Variants in SEMA3A observed in about 807,000 individuals in gnomAD.
SEMA3A encodes semaphorin-3A.
SEMA3A carries 29 observed loss-of-function variants against 97.9 expected under a neutral mutation model. That is an observed-to-expected ratio of 0.30 (90% CI 0.22 to 0.40). The LOEUF (loss-of-function observed/expected upper bound fraction) is 0.40. Ranked by LOEUF, SEMA3A falls within the 10% of genes least tolerant of loss-of-function variation. The probability of loss-of-function intolerance (pLI) is 1.00; values close to 1 mark genes in which losing one functional copy is unlikely to be tolerated. For synonymous variants in SEMA3A, 321 were observed against 323.7 expected, an observed-to-expected ratio of 0.99 and a Z score of 0.09; for missense variants, 763 against 951.3, an observed-to-expected ratio of 0.80 and a Z score of 2.60.
chr7:84,050,544 T>G (rs1053060323), intron 5 of SEMA3A, among the ~76,000 whole-genome samples: 2 of 152,128 alleles, frequency 1.3e-5, no homozygotes, highest in African/African-American at 4.8e-5. Context: ...TCACCCACTT[T>G]TTGATGGGGT....
intron 2 of SEMA3A, among the ~76,000 whole-genome samples, chr7:84,368,761 T>G (rs1802908847): frequency 6.6e-6 from 1 of 150,986 alleles, no homozygotes; most frequent in Non-Finnish European, 1.5e-5. Flanking sequence ...ATATAGCAAG[T>G]GTGTATGTAT....
intron 1 of SEMA3A, among the ~76,000 whole-genome samples, chr7:84,417,048 G>A (rs1201576888): frequency 6.7e-6 from 1 of 148,832 alleles, no homozygotes; most frequent in South Asian, 2.2e-4. Flanking sequence ...ACTGACCATA[G>A]TGTTTTTTAA....
intron 4 of SEMA3A, among the ~76,000 whole-genome samples, chr7:84,098,811 G>A (rs1009269080): frequency 6.6e-6 from 1 of 152,074 alleles, no homozygotes; most frequent in African/African-American, 2.4e-5. Context: ...GAGGACAGAT[G>A]ATATACTGGC....
chr7:83,980,617 A>ACCAAAAC, intron 14 of SEMA3A, among the ~76,000 whole-genome samples: 1 of 83,612 alleles, frequency 1.2e-5, no homozygotes, highest in African/African-American at 5.2e-5. Context: ...AAAAAAAAAA[A>ACCAAAAC]AAAAAAATAT....
chr7:84,265,180 T>A (rs978102550), intron 3 of SEMA3A, among the ~76,000 whole-genome samples: 1 of 152,144 alleles, frequency 6.6e-6, no homozygotes, highest in African/African-American at 2.4e-5. Context: ...TTATTACACG[T>A]AATCATATTC....
chr7:84,011,583 T>C (rs1272647626), intron 7 of SEMA3A, among the ~76,000 whole-genome samples: 1 of 152,126 alleles, frequency 6.6e-6, no homozygotes, highest in Non-Finnish European at 1.5e-5. Flanking sequence ...CATCTACAGA[T>C]CAATGGATAA....
chr7:84,253,944 T>C (rs1435142587), intron 3 of SEMA3A, among the ~76,000 whole-genome samples: 1 of 152,186 alleles, frequency 6.6e-6, no homozygotes, highest in Non-Finnish European at 1.5e-5. Context: ...GGCAGAAAGA[T>C]GCAAGAGCTT....
chr7:84,255,724 T>A (rs73709795), intron 3 of SEMA3A, among the ~76,000 whole-genome samples: 2,659 of 152,072 alleles, frequency 0.017, 80 homozygotes, highest in African/African-American at 0.061. Context: ...TGATTGGTAA[T>A]GAGAAAAATG....
At chr7:84,066,449 G>A (rs1002542522) in intron 4 of SEMA3A, among the ~76,000 whole-genome samples, 2 of 140,990 alleles carry the variant, frequency 1.4e-5, no homozygotes, top group Non-Finnish European at 3.0e-5. Context: ...GGAAATAAAG[G>A]GTATTCAATT....
chr7:84,086,079 T>G (rs1265081778), intron 4 of SEMA3A, among the ~76,000 whole-genome samples: 1 of 152,056 alleles, frequency 6.6e-6, no homozygotes, highest in Non-Finnish European at 1.5e-5. Flanking sequence ...TATTATAACT[T>G]CTCTACGAGT....
At chr7:84,279,051 C>A (rs1477188872) in intron 3 of SEMA3A, among the ~76,000 whole-genome samples, 1 of 151,928 alleles carries the variant, frequency 6.6e-6, no homozygotes, top group Non-Finnish European at 1.5e-5. Flanking sequence ...GTGAAAATAA[C>A]AATTTGAAAA....
chr7:84,474,409 C>T (rs1806227404), intron 1 of SEMA3A, among the ~76,000 whole-genome samples: 1 of 152,162 alleles, frequency 6.6e-6, no homozygotes, highest in Non-Finnish European at 1.5e-5. Context: ...TTGTGTAGTT[C>T]CCTCCTTTGA....
intron 1 of SEMA3A, among the ~76,000 whole-genome samples, chr7:84,423,316 T>C (rs1804651391): frequency 6.6e-6 from 1 of 152,112 alleles, no homozygotes; most frequent in Non-Finnish European, 1.5e-5. Context: ...TTTACCTCAA[T>C]TCCTGTCCTT....
chr7:84,167,072 A>T (rs1797236992), intron 1 of SEMA3A, among the ~76,000 whole-genome samples: 6 of 47,300 alleles, frequency 1.3e-4, no homozygotes, highest in Admixed American at 1.1e-3. Flanking sequence ...GTCCTACAAG[A>T]TGTAGGACTG....
intron 1 of SEMA3A, among the ~76,000 whole-genome samples, chr7:84,136,087 T>C (rs974234932): frequency 6.6e-6 from 1 of 152,086 alleles, no homozygotes; most frequent in East Asian, 1.9e-4. Context: ...CCCACCCCCA[T>C]GGGATAGAAT....
chr7:84,444,789 T>A (rs1195986046), intron 1 of SEMA3A, among the ~76,000 whole-genome samples: 2 of 152,048 alleles, frequency 1.3e-5, no homozygotes, highest in Non-Finnish European at 2.9e-5. Flanking sequence ...CTTGATCTCC[T>A]GACCTCGTGA....
chr7:84,236,931 G>T (rs920412478), intron 3 of SEMA3A, among the ~76,000 whole-genome samples: 2 of 151,140 alleles, frequency 1.3e-5, no homozygotes, highest in Non-Finnish European at 2.9e-5. Flanking sequence ...TTAATTACCT[G>T]GAAAAAAAAT....
At chr7:84,044,381 A>G (rs966697405) in intron 6 of SEMA3A, among the ~76,000 whole-genome samples, 5 of 152,052 alleles carry the variant, frequency 3.3e-5, no homozygotes, top group Non-Finnish European at 5.9e-5. Flanking sequence ...CTGGTGGCAG[A>G]GGAACATTTG....
chr7:84,095,279 A>ATT (rs1794726460), intron 4 of SEMA3A, among the ~76,000 whole-genome samples: 1 of 128,786 alleles, frequency 7.8e-6, no homozygotes. Context: ...ATTATGTAGC[A>ATT]TATATATGGC....
Sources: gnomAD v4.1 joint callset for allele counts (sites outside exome capture counted in the v4.1 genomes callset) on GRCh38, gnomAD v4.1.1 for gene constraint, MANE v1.5 for transcripts, NCBI Gene and HGNC (gene_info 2026-07-23, HGNC 2026-07-21) for gene names.